Variants in PDGFB observed in about 807,000 individuals in gnomAD.
PDGFB encodes the protein platelet-derived growth factor subunit B.
In PDGFB, 6 loss-of-function variants were observed where a neutral mutation model predicts 29.0. The observed-to-expected ratio is 0.21, with a 90% CI of 0.11 to 0.41. The LOEUF (loss-of-function observed/expected upper bound fraction) is 0.41, where lower values mean the gene tolerates loss of function less well. Ranked by LOEUF, PDGFB falls within the 10% of genes least tolerant of loss-of-function variation. The pLI, the probability that PDGFB is intolerant of heterozygous loss-of-function variation, is 1.00. For missense variants in PDGFB, 299 were observed against 341.8 expected (o/e 0.87, Z 0.99); for synonymous variants, 144 against 140.8 (o/e 1.02, Z -0.16).
Position 39,231,643 on chromosome 22 carries a change from C to T in PDGFB, c.435G>A (p.Gln145=), listed in dbSNP as rs762111559. Reference sequence around the variant, plus strand: ...GCACCTGGACAGGTCGCAGCTGCACCTGGGTGGGGCGGCACTGCACGTTGC... The same window carrying T: ...GCACCTGGACAGGTCGCAGCTGCACTTGGGTGGGGCGGCACTGCACGTTGC... The part of the protein sequence containing the change: ...NNRNVQCRPT[Q]VQLRPVQVRK... The change falls in exon 4 of 7, where the codon CAG becomes CAA. Residue 145 remains glutamine, a synonymous_variant. Transcript: ENST00000331163. The surrounding 1 kb of genome is among the most constrained non-coding windows in gnomAD (Gnocchi z 4.3). 2.5e-6 allele frequency: 4 copies of T among 1,576,214 alleles called. No individual in the cohort carries two copies. Among genetic ancestry groups the T allele is most frequent in the East Asian group, 2.3e-5 (1 of 42,992 alleles).
Position 39,242,123 on chromosome 22 carries a change from G to A in PDGFB, c.63+1778C>T, listed in dbSNP as rs1206144456. ...GTGCGCGCACGTGTGCTCAGGCCGCGCGTGCAGGGGCCGTGCGTGCGTTTG... is the reference window on the plus strand; with the variant it reads ...GTGCGCGCACGTGTGCTCAGGCCGCACGTGCAGGGGCCGTGCGTGCGTTTG... On this transcript the variant is annotated intron_variant, in intron 1 of 6. Transcript: ENST00000331163. The surrounding 1 kb of genome is among the most constrained non-coding windows in gnomAD (Gnocchi z 5.7). 1 of 226,046 alleles carries A rather than the reference G, an allele frequency of 4.4e-6. No individual in the cohort carries two copies. The highest frequency in any genetic ancestry group is 2.2e-5 in the African/African-American group (1 of 44,870). The allele number at this position is 226,046 out of a possible 1,614,324, so 14.0% of individuals were successfully genotyped here. A position where few individuals can be genotyped will look rare whatever the true frequency, so the allele number is the denominator to read the frequency against.
In PDGFB at chr22:39,243,941, A is replaced by C; in HGVS notation, c.23T>G (p.Phe8Cys). The change falls in exon 1 of 7, where the codon TTC (phenylalanine) becomes TGC (cysteine). Residue 8 changes from phenylalanine to cysteine, a missense_variant. Physicochemically the swap from Phe to Cys is radical, Grantham distance 205 (BLOSUM62 -2). Transcript: ENST00000331163. This position sits in a 1 kb window ranked among gnomAD's most constrained non-coding sequence, Gnocchi z 6.4. MNRCWALFLSLCCYLRLV... is the reference protein window; with the variant it reads MNRCWALCLSLCCYLRLV... ...ACGCAGGTAGCAGCAGAGAGACAGG[A>C]AGAGCGCCCAGCAGCGATTCATGCC... 6.2e-7 allele frequency: 1 copy of C among 1,603,904 alleles called. No individual in the cohort carries two copies. Among genetic ancestry groups the C allele is most frequent in the African/African-American group, 1.3e-5 (1 of 74,540 alleles).
rs762638635 is a variant in PDGFB, at chr22:39,233,490, G to A, written c.195C>T (p.Thr65=). 6.3e-7 allele frequency: 1 copy of A among 1,596,110 alleles called. No individual in the cohort carries two copies. Among genetic ancestry groups the A allele is most frequent in the Non-Finnish European group, 8.5e-7 (1 of 1,172,068 alleles). The change falls in exon 3 of 7, where the codon ACC becomes ACT. Residue 65 remains threonine (T), a synonymous_variant. Coordinates refer to ENST00000331163, the MANE Select transcript of PDGFB (RefSeq NM_002608.4). ...EDGAELDLNM[T]RSHSGGELES... ...CCAGCTCGCCTCCAGAGTGGGAGCG[G>A]GTCATGTTCAGGTCCAACTCGGCCC...
At chr22:39,232,954 C>A (rs1051449810) in intron 3 of PDGFB, among the ~76,000 whole-genome samples, 1 of 152,172 alleles carries the variant, frequency 6.6e-6, no homozygotes, top group African/African-American at 2.4e-5. Flanking sequence ...TGCAAGGGAG[C>A]AGGAGGAAGT....
chr22:39,229,970 C>T, intron 5 of PDGFB, 114 bp downstream of exon 5: 1 of 1,222,420 alleles, frequency 8.2e-7, no homozygotes, highest in Non-Finnish European at 1.1e-6. Flanking sequence ...AAGAAAGCCT[C>T]CCGTGAATTT....
rs1236787683 is a variant in PDGFB, at chr22:39,244,904, CCTAGGGAGGCAG to C, written c.-953_-942del. ...TGGGCGCTGGCGGCCGGAGGGGAGC[CCTAGGGAGGCAG>C]CGGGGGAGGCTGCGGGTGCGCAGGG... On this transcript the variant is annotated 5_prime_UTR_variant, in exon 1 of 7. Coordinates refer to ENST00000331163, the MANE Select transcript of PDGFB (RefSeq NM_002608.4). This position sits in a 1 kb window ranked among gnomAD's most constrained non-coding sequence, Gnocchi z 4.5. Among the ~76,000 whole-genome samples, 4 of 151,652 alleles carry C rather than the reference CCTAGGGAGGCAG, an allele frequency of 2.6e-5. No homozygotes were observed. Among genetic ancestry groups the C allele is most frequent in the Non-Finnish European group, 5.9e-5 (4 of 67,858 alleles).
intron 3 of PDGFB, among the ~76,000 whole-genome samples, chr22:39,232,580 C>A (rs1419233044): frequency 6.6e-6 from 1 of 152,118 alleles, no homozygotes; most frequent in Non-Finnish European, 1.5e-5. Flanking sequence ...ACCTCCGCCT[C>A]CCTGGTTCAA....
At chr22:39,240,889 A>C (rs1452519100) in intron 1 of PDGFB, 1 of 1,610,146 alleles carries the variant, frequency 6.2e-7, no homozygotes, top group Non-Finnish European at 8.5e-7. Context: ...ATTCCTGCTC[A>C]GTCAGTCTCT....
intron 5 of PDGFB, among the ~76,000 whole-genome samples, chr22:39,227,537 GTGCTGTTACCGGCAGA>G (rs373978757): frequency 0.021 from 3,152 of 152,312 alleles, 98 homozygotes; most frequent in African/African-American, 0.071. Flanking sequence ...TTCACGGCAG[GTGCTGTTACCGGCAGA>G]TGCTGTTACC....
rs1932606943 is a variant in PDGFB at position 39,243,110 on chromosome 22, G to A, written c.63+791C>T. The A allele has an allele frequency of 4.3e-6, 1 of 233,210 alleles. No individual in the cohort carries two copies. Among genetic ancestry groups the A allele is most frequent in the East Asian group, 6.0e-5 (1 of 16,562 alleles). 14.4% of individuals were successfully genotyped at this position (233,210 alleles called of 1,614,324 possible). A position where few individuals can be genotyped will look rare whatever the true frequency, so the allele number is the denominator to read the frequency against. The stretch of plus-strand genomic sequence containing the variant: ...AGGTGCTTCCTCCTGCAGGGCGCGG[G>A]CACAGGTACGGCAAGGCCTCAGGCA... On this transcript the variant is annotated intron_variant, in intron 1 of 6. Transcript: ENST00000331163. This position sits in a 1 kb window ranked among gnomAD's most constrained non-coding sequence, Gnocchi z 6.4.
At chr22:39,239,287 T>A (rs1413275240) in intron 1 of PDGFB, among the ~76,000 whole-genome samples, 1 of 152,024 alleles carries the variant, frequency 6.6e-6, no homozygotes, top group Non-Finnish European at 1.5e-5. Flanking sequence ...TGCCTGCCCA[T>A]GAAAGAGTGC....
At position 39,229,907 on chromosome 22, in the gene PDGFB, A is replaced by C. The variant is rs563661217; in HGVS notation, c.601+177T>G. The stretch of plus-strand genomic sequence containing the variant: ...GAGAGCCAGCCAGGGGCTAATCCTC[A>C]TGTAGGGCTCTCAGGCCAGGGAGGA... On this transcript the variant is annotated intron_variant, in intron 5 of 6. Coordinates refer to ENST00000331163, the MANE Select transcript of PDGFB (RefSeq NM_002608.4). Among the ~76,000 whole-genome samples the C allele has an allele frequency of 3.3e-5, 5 of 152,322 alleles. No homozygotes were observed. In the South Asian group the frequency reaches 8.3e-4, roughly 25 times the overall value.
intron 2 of PDGFB, among the ~76,000 whole-genome samples, chr22:39,235,456 C>T (rs1330490168): frequency 2.0e-5 from 3 of 152,192 alleles, no homozygotes; most frequent in Admixed American, 6.5e-5. Flanking sequence ...TGCCACCCTC[C>T]CTGGCTGGGC....
chr22:39,225,901 T>G, intron 5 of PDGFB, 54 bp from the exon 6 acceptor site: 1 of 1,567,928 alleles, frequency 6.4e-7, no homozygotes, highest in Non-Finnish European at 8.7e-7. Context: ...GGGAGGTCTC[T>G]CCCCACTGAC....
Position 39,231,655 on chromosome 22 carries a change from G to A in PDGFB, c.423C>T (p.Cys141=). The A allele has an allele frequency of 1.3e-6, 2 of 1,583,634 alleles. No individual in the cohort carries two copies. Among genetic ancestry groups the A allele is most frequent in the East Asian group, 2.3e-5 (1 of 43,338 alleles). Residue 141 remains cysteine, a synonymous_variant, in exon 4 of 7, where the codon TGC becomes TGT. Coordinates refer to ENST00000331163, the MANE Select transcript of PDGFB (RefSeq NM_002608.4). The surrounding 1 kb of genome is among the most constrained non-coding windows in gnomAD (Gnocchi z 4.3). ...SGCCNNRNVQ[C]RPTQVQLRPV... is the part of the protein sequence containing the mutation. ...GTCGCAGCTGCACCTGGGTGGGGCGGCACTGCACGTTGCGGTTGTTGCAGC... is the reference window on the plus strand; with the variant it reads ...GTCGCAGCTGCACCTGGGTGGGGCGACACTGCACGTTGCGGTTGTTGCAGC...
chr22:39,226,151 C>T (rs1932160432), intron 5 of PDGFB, among the ~76,000 whole-genome samples: 1 of 152,216 alleles, frequency 6.6e-6, no homozygotes, highest in South Asian at 2.1e-4. Context: ...TTGCACAGTA[C>T]TGGACACAGA....
At position 39,243,232 on chromosome 22, in the gene PDGFB, C is replaced by T. The variant is rs1165775790; in HGVS notation, c.63+669G>A. ...TGCGTCTCTATCTTTCTCTCCCTCT[C>T]TCTCTCCGTCTCTCTCTCCGTCTCT... On this transcript the variant is annotated intron_variant, in intron 1 of 6. Transcript: ENST00000331163. The surrounding 1 kb of genome is among the most constrained non-coding windows in gnomAD (Gnocchi z 6.4). 2.0e-5 allele frequency among the ~76,000 whole-genome samples: 3 copies of T among 149,116 alleles called. No individual in the cohort carries two copies. The highest frequency in any genetic ancestry group is 4.9e-5 in the African/African-American group (2 of 40,772).
At chr22:39,233,414 T>C (rs1453731478) in intron 3 of PDGFB, 21 bp downstream of exon 3, 2 of 1,569,512 alleles carry the variant, frequency 1.3e-6, no homozygotes, top group Non-Finnish European at 1.7e-6. Context: ...GAAGGACCCT[T>C]GTTGGGTGTC....
chr22:39,236,255 A>T (rs528106300), intron 1 of PDGFB, among the ~76,000 whole-genome samples: 2 of 152,370 alleles, frequency 1.3e-5, no homozygotes, highest in East Asian at 3.9e-4. Flanking sequence ...TCCCATGGCC[A>T]ATCTAACCCC....
Sources: gnomAD v4.1 joint callset for allele counts (sites outside exome capture counted in the v4.1 genomes callset) on GRCh38, gnomAD v4.1.1 for gene constraint, Gnocchi (gnomAD v3.1) non-coding constraint, MANE v1.5 for transcripts, NCBI Gene and HGNC (gene_info 2026-07-23, HGNC 2026-07-21) for gene names.